The following ITPR2 variants were observed in gnomAD, a reference collection of about 807,000 sequenced individuals.
ITPR2 encodes the protein inositol 1,4,5-trisphosphate receptor type 2, also known as inositol 1,4,5-trisphosphate-gated calcium channel ITPR2.
A neutral mutation model predicts 317.1 loss-of-function variants in ITPR2; 207 were observed. The ratio of observed to expected loss-of-function variants is 0.65; its 90% CI spans 0.58 to 0.73. The LOEUF (loss-of-function observed/expected upper bound fraction) is 0.73, where lower values mean the gene tolerates loss of function less well. Ranked by LOEUF, ITPR2 falls within the 30% of genes least tolerant of loss-of-function variation. The pLI, the probability that ITPR2 is intolerant of heterozygous loss-of-function variation, is 0.00. For missense variants in ITPR2, 2,613 were observed against 3,284.0 expected (o/e 0.80, Z 4.99); for synonymous variants, 1,156 against 1,149.1 (o/e 1.01, Z -0.12).
At chr12:26,448,398 A>C (rs1236842059) in intron 45 of ITPR2, among the ~76,000 whole-genome samples, 1 of 152,120 alleles carries the variant, frequency 6.6e-6, no homozygotes, top group African/African-American at 2.4e-5. Flanking sequence ...TCTTAGAAAT[A>C]CTTGTATTCC....
At chr12:26,466,683 C>T (rs1332567509) in intron 45 of ITPR2, among the ~76,000 whole-genome samples, 1 of 152,172 alleles carries the variant, frequency 6.6e-6, no homozygotes, top group South Asian at 2.1e-4. Context: ...AAATGCAGCT[C>T]ACTGACAGCC....
intron 1 of ITPR2, among the ~76,000 whole-genome samples, chr12:26,830,543 T>C (rs11048702): frequency 0.16 from 24,431 of 152,268 alleles, 2,327 homozygotes; most frequent in East Asian, 0.22. Flanking sequence ...TTTCCTGGGT[T>C]AGTCACTTCA....
chr12:26,492,012 G>A (rs1942818608), intron 39 of ITPR2, among the ~76,000 whole-genome samples: 1 of 152,208 alleles, frequency 6.6e-6, no homozygotes, highest in Non-Finnish European at 1.5e-5. Flanking sequence ...GGAGGTCAGG[G>A]TGGGGAACAC....
rs374842283 is a variant in ITPR2, at chr12:26,626,111, G to A, written c.3065-1755C>T. Among the ~76,000 whole-genome samples the A allele has an allele frequency of 2.1e-4, 32 of 152,196 alleles. No individual in the cohort carries two copies. In the East Asian group the frequency reaches 4.1e-3, roughly 19 times the overall value. The stretch of plus-strand genomic sequence containing the variant: ...TGAGTAGCTGGGACCAAAGGCACGC[G>A]CCTCCACTACTGGCTAATTTTTTTG... On this transcript the variant is annotated intron_variant, in intron 23 of 56. Coordinates refer to ENST00000381340, the MANE Select transcript of ITPR2 (RefSeq NM_002223.4).
chr12:26,438,234 A>G (rs970374208), intron 47 of ITPR2, among the ~76,000 whole-genome samples: 1 of 152,208 alleles, frequency 6.6e-6, no homozygotes. Flanking sequence ...TGATTTTTTT[A>G]AAAGCATTCT....
At chr12:26,698,189 T>G (rs1433393393) in intron 9 of ITPR2, among the ~76,000 whole-genome samples, 1 of 152,210 alleles carries the variant, frequency 6.6e-6, no homozygotes, top group Non-Finnish European at 1.5e-5. Flanking sequence ...CAGAGGTTAC[T>G]CTATCCATTG....
At chr12:26,663,652 T>C (rs1404102859) in intron 15 of ITPR2, 33 bp downstream of exon 15, 1 of 1,573,986 alleles carries the variant, frequency 6.4e-7, no homozygotes. Flanking sequence ...ACTTTACATA[T>C]GAAACAGTTT....
chr12:26,821,947 G>C (rs577775842), intron 1 of ITPR2, among the ~76,000 whole-genome samples: 6 of 152,220 alleles, frequency 3.9e-5, no homozygotes, highest in Admixed American at 3.3e-4. Context: ...TTTGTTTTGG[G>C]TTTTTGTCAG....
chr12:26,389,984 A>T (rs10842722), intron 54 of ITPR2, among the ~76,000 whole-genome samples: 99,089 of 152,076 alleles, frequency 0.65, 32,489 homozygotes, highest in African/African-American at 0.72. Flanking sequence ...ACGGTCCCAA[A>T]AGCTCGGAAT....
At chr12:26,401,185 C>T (rs61914382) in intron 52 of ITPR2, among the ~76,000 whole-genome samples, 16,315 of 151,798 alleles carry the variant, frequency 0.11, 969 homozygotes, top group African/African-American at 0.16. Flanking sequence ...GCCAAGATCA[C>T]ACCACTGCAT....
chr12:26,482,925 A>C (rs1282594856), intron 42 of ITPR2, among the ~76,000 whole-genome samples: 5 of 152,200 alleles, frequency 3.3e-5, no homozygotes, highest in African/African-American at 1.2e-4. Flanking sequence ...AGAAATGTTT[A>C]TGACTTGAAA....
At chr12:26,609,186 T>C (rs1432695920) in intron 26 of ITPR2, among the ~76,000 whole-genome samples, 10 of 152,248 alleles carry the variant, frequency 6.6e-5, no homozygotes. Context: ...TGTTGTTGCC[T>C]GATCTAAAAC....
At chr12:26,690,762 G>C in intron 10 of ITPR2, among the ~76,000 whole-genome samples, 1 of 152,114 alleles carries the variant, frequency 6.6e-6, no homozygotes, top group Non-Finnish European at 1.5e-5. Flanking sequence ...TTCTCACACT[G>C]CAACAATTAG....
chr12:26,773,535 C>T (rs1949907744), intron 2 of ITPR2, among the ~76,000 whole-genome samples: 2 of 152,148 alleles, frequency 1.3e-5, no homozygotes, highest in South Asian at 4.1e-4. Flanking sequence ...CCATTGGTTC[C>T]TATTCTGAAG....
intron 23 of ITPR2, 53 bp downstream of exon 23, chr12:26,627,980 C>G (rs1420600764): frequency 1.2e-5 from 17 of 1,473,406 alleles, no homozygotes; most frequent in Non-Finnish European, 1.5e-5. Context: ...TAGGTACTTT[C>G]AAGTTCTCAG....
intron 1 of ITPR2, among the ~76,000 whole-genome samples, chr12:26,813,879 T>G (rs1373918124): frequency 1.3e-5 from 2 of 152,210 alleles, no homozygotes; most frequent in Non-Finnish European, 2.9e-5. Flanking sequence ...TTAGGAAATG[T>G]GGCTTCGTGA....
chr12:26,455,100 T>C (rs1591799539), intron 45 of ITPR2, among the ~76,000 whole-genome samples: 1 of 152,198 alleles, frequency 6.6e-6, no homozygotes, highest in East Asian at 1.9e-4. Context: ...CCGCAACAGT[T>C]CTCACACTGC....
At chr12:26,601,176 G>A (rs1945991291) in intron 28 of ITPR2, among the ~76,000 whole-genome samples, 1 of 152,104 alleles carries the variant, frequency 6.6e-6, no homozygotes, top group Admixed American at 6.5e-5. Flanking sequence ...GTAGTTGATT[G>A]TACCATTTGT....
chr12:26,775,104 G>C (rs751719110), intron 2 of ITPR2, among the ~76,000 whole-genome samples: 4 of 152,166 alleles, frequency 2.6e-5, no homozygotes, highest in African/African-American at 9.6e-5. Flanking sequence ...CTCCCAAATA[G>C]ATTACCTCTA....
Sources: gnomAD v4.1 joint callset for allele counts (sites outside exome capture counted in the v4.1 genomes callset) on GRCh38, gnomAD v4.1.1 for gene constraint, MANE v1.5 for transcripts, NCBI Gene and HGNC (gene_info 2026-07-23, HGNC 2026-07-21) for gene names.